Variants in DRD3 observed in about 807,000 individuals in gnomAD.
DRD3 encodes D(3) dopamine receptor.
A neutral mutation model predicts 36.3 loss-of-function variants in DRD3; 19 were observed. That is an observed-to-expected ratio of 0.52 (90% confidence interval 0.36 to 0.77). The LOEUF (loss-of-function observed/expected upper bound fraction) is 0.77, where lower values mean the gene tolerates loss of function less well. DRD3 is among the 30% of genes least tolerant of loss of function. The probability of loss-of-function intolerance (pLI) is 0.00; values close to 1 mark genes in which losing one functional copy is unlikely to be tolerated. For synonymous variants in DRD3, 195 were observed against 203.7 expected (o/e 0.96, Z 0.36); for missense variants, 465 against 505.3 (o/e 0.92, Z 0.77).
At chr3:114,159,967 G>T in intron 2 of DRD3, 100 bp from the exon 3 acceptor site, 1 of 941,490 alleles carries the variant, frequency 1.1e-6, no homozygotes, top group Non-Finnish European at 1.7e-6. Context: ...GTAGATGTTG[G>T]CACTCCTACT....
chr3:114,171,901 T>A lies in DRD3; in HGVS notation c.92A>T (p.Tyr31Phe). 1 of 1,611,262 alleles carries A rather than the reference T, an allele frequency of 6.2e-7. No individual in the cohort carries two copies. The highest frequency in any genetic ancestry group is 8.5e-7 in the Non-Finnish European group (1 of 1,178,490). Reference sequence around the variant, plus strand: ...GAGCGCGCAGTAGGAGAGGGCATAGTAGGCATGTGGGCGGGCCTGGCTGGC... The same window carrying A: ...GAGCGCGCAGTAGGAGAGGGCATAGAAGGCATGTGGGCGGGCCTGGCTGGC... ...TGASQARPHA[Y>F]YALSYCALIL... is the part of the protein sequence containing the mutation. Residue 31 changes from tyrosine (Y) to phenylalanine (F), a missense_variant, in exon 2 of 7, where the codon TAC (tyrosine) becomes TTC (phenylalanine). Physicochemically the swap from Tyr to Phe is conservative, Grantham distance 22. Transcript: ENST00000383673.
Position 114,141,926 on chromosome 3 carries a change from G to C in DRD3, c.527-2230C>G, listed in dbSNP as rs576640109. Among the ~76,000 whole-genome samples, 11 of 151,852 alleles carry C rather than the reference G, an allele frequency of 7.2e-5. No individual in the cohort carries two copies. The East Asian group carries it at 9.7e-4, about 13-fold the overall frequency. ...TTAGCCGGTGTGGTAGCACACACCT[G>C]TAATCCCAGCTACTCAGGAGGCTGA... On this transcript the variant is annotated intron_variant, in intron 4 of 6. Transcript: ENST00000383673.
chr3:114,128,669 C>T lies in DRD3; in HGVS notation c.*47G>A, dbSNP rs199546403. The T allele has an allele frequency of 5.9e-6, 9 of 1,514,800 alleles. No homozygotes were observed. In the Admixed American group the frequency reaches 6.1e-5, roughly 10 times the overall value. The allele number at this position is 1,514,800 out of a possible 1,614,324, so 93.8% of individuals were successfully genotyped here. Reference sequence around the variant, plus strand: ...ACAGTCTTTCTGAGTGGGCCAACAGCCTGGCAGCTAGAAATGGGTACAAAG... The same window carrying T: ...ACAGTCTTTCTGAGTGGGCCAACAGTCTGGCAGCTAGAAATGGGTACAAAG... On this transcript the variant is annotated 3_prime_UTR_variant, in exon 7 of 7. Transcript: ENST00000383673.
At chr3:114,174,699 A>T (rs940433912) in intron 1 of DRD3, among the ~76,000 whole-genome samples, 2 of 151,040 alleles carry the variant, frequency 1.3e-5, no homozygotes, top group Non-Finnish European at 2.9e-5. Flanking sequence ...GAGATGCTAG[A>T]TTACTCTCTA....
intron 4 of DRD3, among the ~76,000 whole-genome samples, chr3:114,147,111 G>GT (rs1380515228): frequency 2.0e-5 from 3 of 151,808 alleles, no homozygotes; most frequent in Non-Finnish European, 2.9e-5. Context: ...ATATATCTTG[G>GT]TTTTTTTAAC....
Position 114,171,771 on chromosome 3 carries a change from T to G in DRD3, c.222A>C (p.Ala74=), listed in dbSNP as rs755918251. The change falls in exon 2 of 7, where the codon GCA becomes GCC. Residue 74 remains alanine (A), a synonymous_variant. Coordinates refer to ENST00000383673, the MANE Select transcript of DRD3 (RefSeq NM_000796.6). ...TCACCAAGGTGGCCACCAGCAAGTCTGCCACAGCCAGGCTCACTACTAAGT... is the reference window on the plus strand; with the variant it reads ...TCACCAAGGTGGCCACCAGCAAGTCGGCCACAGCCAGGCTCACTACTAAGT... ...TNYLVVSLAV[A]DLLVATLVMP... The G allele has an allele frequency of 6.2e-7, 1 of 1,613,030 alleles. No individual in the cohort carries two copies. Among genetic ancestry groups the G allele is most frequent in the East Asian group, 2.2e-5 (1 of 44,836 alleles).
At chr3:114,142,487 G>A (rs1209842704) in intron 4 of DRD3, among the ~76,000 whole-genome samples, 2 of 152,190 alleles carry the variant, frequency 1.3e-5, no homozygotes, top group African/African-American at 4.8e-5. Context: ...GTCAGGGTCA[G>A]ATAGGGGTAT....
intron 2 of DRD3, among the ~76,000 whole-genome samples, chr3:114,168,657 C>A (rs2077809765): frequency 6.6e-6 from 1 of 152,032 alleles, no homozygotes; most frequent in Non-Finnish European, 1.5e-5. Context: ...AAGAACTAAG[C>A]CAGCTTGCCA....
At chr3:114,154,781 G>A (rs972366306) in intron 3 of DRD3, among the ~76,000 whole-genome samples, 2 of 151,982 alleles carry the variant, frequency 1.3e-5, no homozygotes, top group Admixed American at 6.6e-5. Context: ...GGCTCCTCTC[G>A]GAGGACTCTA....
At chr3:114,134,034 T>C (rs2077454710) in intron 5 of DRD3, among the ~76,000 whole-genome samples, 1 of 152,228 alleles carries the variant, frequency 6.6e-6, no homozygotes, top group Non-Finnish European at 1.5e-5. Context: ...GAATAGCATC[T>C]TTCTGAAGCT....
intron 6 of DRD3, among the ~76,000 whole-genome samples, chr3:114,130,702 C>T (rs1402182996): frequency 6.6e-6 from 1 of 152,168 alleles, no homozygotes; most frequent in East Asian, 1.9e-4. Context: ...GAATTACAGG[C>T]TTGAGCCATC....
chr3:114,131,203 C>T lies in DRD3; in HGVS notation c.921G>A (p.Ser307=), dbSNP rs201125521. 118 of 1,614,164 alleles carry T rather than the reference C, an allele frequency of 7.3e-5. No homozygotes were observed. In the South Asian group the frequency reaches 9.0e-4, roughly 12 times the overall value. The change falls in exon 6 of 7, where the codon TCG becomes TCA. Residue 307 remains serine (S), a synonymous_variant. Transcript: ENST00000383673. The part of the protein sequence containing the change: ...EVRKLSNGRL[S]TSLKLGPLQP... Reference sequence around the variant, plus strand: ...GCAGGGGCCCCAGCTTCAAAGATGTCGATAATCTGCCATTGCTGAGTTTTC... The same window carrying T: ...GCAGGGGCCCCAGCTTCAAAGATGTTGATAATCTGCCATTGCTGAGTTTTC...
In DRD3 at chr3:114,141,114, C is replaced by T. The variant is rs372681906; in HGVS notation, c.527-1418G>A. ...TGGCTCGATCTCGGCTCACCGCAACCTCCATCTCCCAGGTTCAAGCGATTC... is the reference window on the plus strand; with the variant it reads ...TGGCTCGATCTCGGCTCACCGCAACTTCCATCTCCCAGGTTCAAGCGATTC... On this transcript the variant is annotated intron_variant, in intron 4 of 6. Transcript: ENST00000383673. Among the ~76,000 whole-genome samples, 3 of 152,366 alleles carry T rather than the reference C, an allele frequency of 2.0e-5. No homozygotes were observed. The South Asian group carries it at 6.2e-4, about 32-fold the overall frequency.
At chr3:114,165,216 G>A (rs942190647) in intron 2 of DRD3, among the ~76,000 whole-genome samples, 1 of 152,110 alleles carries the variant, frequency 6.6e-6, no homozygotes, top group African/African-American at 2.4e-5. Context: ...TCAAAGAAAT[G>A]ATGAGTATAA....
At chr3:114,130,316 C>A (rs1043888164) in intron 6 of DRD3, among the ~76,000 whole-genome samples, 3 of 151,920 alleles carry the variant, frequency 2.0e-5, no homozygotes, top group Non-Finnish European at 4.4e-5. Context: ...TTGGTAAATA[C>A]AGACAAGTAG....
At chr3:114,188,053 G>A (rs2077984962) in intron 1 of DRD3, among the ~76,000 whole-genome samples, 1 of 152,076 alleles carries the variant, frequency 6.6e-6, no homozygotes. Context: ...AGTGCACTTG[G>A]AGAATCAAGT....
intron 2 of DRD3, among the ~76,000 whole-genome samples, chr3:114,164,188 T>G (rs1363626671): frequency 9.0e-6 from 1 of 110,742 alleles, no homozygotes; most frequent in African/African-American, 3.6e-5. Context: ...ACCACTGCAC[T>G]CCAGCCTGGG....
chr3:114,129,224 G>T lies in DRD3; in HGVS notation c.1007-312C>A, dbSNP rs139378880. Reference sequence around the variant, plus strand: ...TGGGCGTGGTGGTGCGTGCCTATAAGCCCAGCTACTCGGGAAGCTGGGGCA... The same window carrying T: ...TGGGCGTGGTGGTGCGTGCCTATAATCCCAGCTACTCGGGAAGCTGGGGCA... On this transcript the variant is annotated intron_variant, in intron 6 of 6. Coordinates refer to ENST00000383673, the MANE Select transcript of DRD3 (RefSeq NM_000796.6). Among the ~76,000 whole-genome samples the T allele has an allele frequency of 7.4e-3, 1,124 of 152,028 alleles. 14 individuals are homozygous for T. Among genetic ancestry groups the T allele is most frequent in the African/African-American group, 0.026 (1,066 of 41,492 alleles).
At chr3:114,175,869 T>C (rs745894912) in intron 1 of DRD3, 2 of 152,178 alleles carry the variant, frequency 1.3e-5, no homozygotes, top group Non-Finnish European at 2.9e-5. Flanking sequence ...GGCAGAGAAA[T>C]AGAAGATTAC....
Sources: gnomAD v4.1 joint callset for allele counts (sites outside exome capture counted in the v4.1 genomes callset) on GRCh38, gnomAD v4.1.1 for gene constraint, MANE v1.5 for transcripts, NCBI Gene and HGNC (gene_info 2026-07-23, HGNC 2026-07-21) for gene names.